The following TNFRSF13B variants were observed in gnomAD, a reference collection of about 807,000 sequenced individuals.
TNFRSF13B encodes TNF receptor superfamily member 13B.
In TNFRSF13B, 34 loss-of-function variants were observed where a neutral mutation model predicts 24.0. The observed-to-expected ratio is 1.41, with a 90% CI of 1.08 to 1.88. The LOEUF is 1.88. TNFRSF13B is among the 40% of genes most tolerant of loss of function. TNFRSF13B has a pLI of 0.00. For missense variants in TNFRSF13B, 415 were observed against 380.8 expected (o/e 1.09, Z -0.75); for synonymous variants, 173 against 150.3 (o/e 1.15, Z -1.10).
intron 3 of TNFRSF13B, among the ~76,000 whole-genome samples, chr17:16,941,658 C>T (rs931976631): frequency 6.6e-6 from 1 of 152,156 alleles, no homozygotes; most frequent in Admixed American, 6.5e-5. Flanking sequence ...TTAAAGTGTA[C>T]AACCAGTGGC....
chr17:16,954,466 G>A (rs1198340107), intron 1 of TNFRSF13B, among the ~76,000 whole-genome samples: 3 of 152,172 alleles, frequency 2.0e-5, no homozygotes, highest in African/African-American at 7.2e-5. Flanking sequence ...CTTCCCTCCT[G>A]AAACCATGCA....
intron 1 of TNFRSF13B, among the ~76,000 whole-genome samples, chr17:16,953,957 G>A (rs922974918): frequency 2.6e-5 from 4 of 152,134 alleles, no homozygotes; most frequent in African/African-American, 4.8e-5. Context: ...AGTAGAGAGC[G>A]GGTTTCACTA....
rs1460434133 is a variant in TNFRSF13B, at chr17:16,942,165, A to G, written c.446-1654T>C. ...AATAGCTCTGTTTTGTTTTTTGAGGACCTGCTGGACTGCGTTGCACAGCAT... is the reference window on the plus strand; with the variant it reads ...AATAGCTCTGTTTTGTTTTTTGAGGGCCTGCTGGACTGCGTTGCACAGCAT... On this transcript the variant is annotated intron_variant, in intron 3 of 4. Coordinates refer to ENST00000261652, the MANE Select transcript of TNFRSF13B (RefSeq NM_012452.3). Among the ~76,000 whole-genome samples, 4 of 152,074 alleles carry G rather than the reference A, an allele frequency of 2.6e-5. No individual in the cohort carries two copies. In the East Asian group the frequency reaches 7.7e-4, roughly 29 times the overall value.
chr17:16,939,618 A>G lies in TNFRSF13B; in HGVS notation c.811T>C (p.Cys271Arg). Residue 271 changes from cysteine (C) to arginine (R), a missense_variant, in exon 5 of 5, where the codon TGC (cysteine) becomes CGC (arginine). By Grantham distance (180) the Cys-to-Arg change is radical. Coordinates refer to ENST00000261652, the MANE Select transcript of TNFRSF13B (RefSeq NM_012452.3). ...AGGCCACTGTCTGGGATGTGTGGGC[A>G]AGGCTGCAGGACTGTGGTCCTGGTG... ...CHTRTTVLQP[C>R]PHIPDSGLGI... 1 of 1,613,580 alleles carries G rather than the reference A, an allele frequency of 6.2e-7. No individual in the cohort carries two copies. The highest frequency in any genetic ancestry group is 8.5e-7 in the Non-Finnish European group (1 of 1,179,714).
chr17:16,948,837 G>A lies in TNFRSF13B; in HGVS notation c.346C>T (p.Pro116Ser). 6.2e-7 allele frequency: 1 copy of A among 1,614,242 alleles called. No homozygotes were observed. Among genetic ancestry groups the A allele is most frequent in the Non-Finnish European group, 8.5e-7 (1 of 1,180,036 alleles). Residue 116 changes from proline (P) to serine (S), a missense_variant, in exon 3 of 5, where the codon CCA becomes TCA. Physicochemically the swap from Pro to Ser is moderately conservative, Grantham distance 74. Coordinates refer to ENST00000261652, the MANE Select transcript of TNFRSF13B (RefSeq NM_012452.3). Reference protein sequence around the residue: ...NKLRSPVNLPPELRRQRSGEV... With the variant: ...NKLRSPVNLPSELRRQRSGEV... Reference sequence around the variant, plus strand: ...CCACTCCGCTGTCTCCTGAGCTCTGGTGGAAGGTTCACTGGGCTCCTGAGC... The same window carrying A: ...CCACTCCGCTGTCTCCTGAGCTCTGATGGAAGGTTCACTGGGCTCCTGAGC...
chr17:16,970,015 CCTGGACCAAAGCCACCAAAAGCCA>C (rs557598074), intron 1 of TNFRSF13B, among the ~76,000 whole-genome samples: 1 of 152,248 alleles, frequency 6.6e-6, no homozygotes, highest in South Asian at 2.1e-4. Context: ...CCATTCATTG[CCTGGACCAAAGCCACCAAAAGCCA>C]CTGGACCTGA....
At chr17:16,970,680 C>CG (rs35984737) in intron 1 of TNFRSF13B, among the ~76,000 whole-genome samples, 19,072 of 152,172 alleles carry the variant, frequency 0.13, 1,592 homozygotes, top group East Asian at 0.45. Flanking sequence ...AGTGGACAAC[C>CG]GGCCAGGGCT....
At position 16,947,279 on chromosome 17, in the gene TNFRSF13B, G is replaced by A. The variant is rs2087556335; in HGVS notation, c.445+1459C>T. ...AGAAATCCTGGAAAATACCATCCTG[G>A]ACATTGGCCCTGGGAAAGAATTTAT... On this transcript the variant is annotated intron_variant, in intron 3 of 4. Transcript: ENST00000261652. Among the ~76,000 whole-genome samples, 3 of 152,192 alleles carry A rather than the reference G, an allele frequency of 2.0e-5. No individual in the cohort carries two copies. In the South Asian group the frequency reaches 6.2e-4, roughly 32 times the overall value.
At chr17:16,969,246 CA>C (rs1277831480) in intron 1 of TNFRSF13B, among the ~76,000 whole-genome samples, 1 of 152,150 alleles carries the variant, frequency 6.6e-6, no homozygotes, top group East Asian at 1.9e-4. Context: ...AACTTGAATC[CA>C]AAAGTTCATA....
Position 16,952,442 on chromosome 17 carries a change from T to C in TNFRSF13B, c.199+4A>G, listed in dbSNP as rs370453774. 13 of 1,613,890 alleles carry C rather than the reference T, an allele frequency of 8.1e-6. No homozygotes were observed. The highest frequency in any genetic ancestry group is 1.3e-5 in the African/African-American group (1 of 74,918). ...GTCCCCTCGGCTCAGGCCCCAGAACTCACTGCAGAAGGCTGCACAGGTGCG... is the reference window on the plus strand; with the variant it reads ...GTCCCCTCGGCTCAGGCCCCAGAACCCACTGCAGAAGGCTGCACAGGTGCG... On this transcript the variant is annotated splice_donor_region_variant and intron_variant, in intron 2 of 4. Transcript: ENST00000261652.
In TNFRSF13B at chr17:16,959,617, AT is replaced by A. The variant is rs571424371; in HGVS notation, c.62-7035del. ...ACTATGAAAAAGAGAGATGACTCAT[AT>A]TATTAAAATCAGAAATGACATTAAG... On this transcript the variant is annotated intron_variant, in intron 1 of 4. Transcript: ENST00000261652. Among the ~76,000 whole-genome samples the A allele has an allele frequency of 7.0e-3, 1,071 of 152,170 alleles. 6 individuals carry two copies. The highest frequency in any genetic ancestry group is 0.011 in the Non-Finnish European group (741 of 67,918).
chr17:16,948,549 G>A (rs1414351236), intron 3 of TNFRSF13B, among the ~76,000 whole-genome samples, 189 bp downstream of exon 3: 2 of 152,104 alleles, frequency 1.3e-5, no homozygotes, highest in East Asian at 3.8e-4. Flanking sequence ...CTTTCTTCTT[G>A]TCCACAGACT....
intron 1 of TNFRSF13B, among the ~76,000 whole-genome samples, chr17:16,967,985 C>CA (rs1310486929): frequency 6.8e-6 from 1 of 147,902 alleles, no homozygotes; most frequent in Non-Finnish European, 1.5e-5. Flanking sequence ...AAAAAAAATA[C>CA]AAAAAATTAG....
At chr17:16,939,998 T>C in intron 4 of TNFRSF13B, 1 of 976,544 alleles carries the variant, frequency 1.0e-6, no homozygotes. Context: ...AATTCTTGGC[T>C]CTCACTTCTG....
chr17:16,946,892 CT>C (rs2087553830), intron 3 of TNFRSF13B, among the ~76,000 whole-genome samples: 1 of 151,640 alleles, frequency 6.6e-6, no homozygotes, highest in South Asian at 2.1e-4. Flanking sequence ...TGAGCCTTCT[CT>C]TTTTACAATT....
chr17:16,952,614 C>A, intron 1 of TNFRSF13B, 31 bp from the exon 2 acceptor site: 1 of 1,613,990 alleles, frequency 6.2e-7, no homozygotes, highest in South Asian at 1.1e-5. Flanking sequence ...GGGCAGCTGG[C>A]AGGCGGCCAC....
intron 1 of TNFRSF13B, among the ~76,000 whole-genome samples, chr17:16,961,932 A>G (rs2087665132): frequency 6.6e-6 from 1 of 152,194 alleles, no homozygotes; most frequent in Admixed American, 6.5e-5. Context: ...GTGGCCAAAA[A>G]AACCACGGGT....
chr17:16,968,042 G>C (rs2087717030), intron 1 of TNFRSF13B, among the ~76,000 whole-genome samples: 1 of 150,562 alleles, frequency 6.6e-6, no homozygotes, highest in Admixed American at 6.6e-5. Flanking sequence ...TCGGGATGCT[G>C]AGGCAGGAAA....
rs561345363 is a variant in TNFRSF13B, at chr17:16,961,432, C to A, written c.62-8849G>T. On this transcript the variant is annotated intron_variant, in intron 1 of 4. Coordinates refer to ENST00000261652, the MANE Select transcript of TNFRSF13B (RefSeq NM_012452.3). ...TATTAAAATGAATGGAATACTTATA[C>A]ATGCTACAATGTGGATAAACTTTGA... Among the ~76,000 whole-genome samples, 5 of 152,348 alleles carry A rather than the reference C, an allele frequency of 3.3e-5. No homozygotes were observed. The Middle Eastern group carries it at 0.017, about 518-fold the overall frequency.
Sources: allele counts gnomAD v4.1 joint callset (sites outside exome capture counted in the v4.1 genomes callset), GRCh38; gene constraint gnomAD v4.1.1; transcripts MANE v1.5; gene names NCBI Gene and HGNC (gene_info 2026-07-23, HGNC 2026-07-21).